PTPRD: variants seen among roughly 807,000 people sequenced by gnomAD.
The protein encoded by PTPRD is receptor-type tyrosine-protein phosphatase delta.
In PTPRD, 34 loss-of-function variants were observed where a neutral mutation model predicts 214.5. The ratio of observed to expected loss-of-function variants is 0.16; its 90% confidence interval spans 0.12 to 0.21. The LOEUF (loss-of-function observed/expected upper bound fraction) is 0.21, where lower values mean the gene tolerates loss of function less well. PTPRD is among the 10% of genes least tolerant of loss of function. PTPRD has a pLI of 1.00. For synonymous variants in PTPRD, 1,128 were observed against 845.7 expected (o/e 1.33, Z -5.79); for missense variants, 2,545 against 2,398.7 (o/e 1.06, Z -1.27).
At chr9:9,466,561 C>A (rs7854291) in intron 8 of PTPRD, among the ~76,000 whole-genome samples, 127,247 of 152,080 alleles carry the variant, frequency 0.84, 53,351 homozygotes, top group Middle Eastern at 0.94. Flanking sequence ...ATTCAAAACA[C>A]AAATCTGTGT....
intron 35 of PTPRD, among the ~76,000 whole-genome samples, chr9:8,432,842 T>C (rs945608553): frequency 3.9e-5 from 6 of 152,210 alleles, no homozygotes; most frequent in African/African-American, 1.2e-4. Context: ...ATCATCATCA[T>C]GAACATCAGT....
At chr9:9,462,698 G>A in intron 8 of PTPRD, among the ~76,000 whole-genome samples, 1 of 151,994 alleles carries the variant, frequency 6.6e-6, no homozygotes, top group East Asian at 1.9e-4. Context: ...CCTAAATGCT[G>A]TACTTTTCCA....
intron 2 of PTPRD, among the ~76,000 whole-genome samples, chr9:10,555,638 C>A (rs2062391171): frequency 6.6e-6 from 1 of 152,070 alleles, no homozygotes; most frequent in Non-Finnish European, 1.5e-5. Flanking sequence ...AAATGTATTC[C>A]TTTTTGCACA....
At chr9:10,106,934 G>A (rs955459101) in intron 3 of PTPRD, among the ~76,000 whole-genome samples, 2 of 151,834 alleles carry the variant, frequency 1.3e-5, no homozygotes, top group African/African-American at 2.4e-5. Flanking sequence ...ATTTTAGTAG[G>A]GAGGTTGGCA....
At chr9:9,454,593 G>C (rs530585331) in intron 8 of PTPRD, among the ~76,000 whole-genome samples, 145 of 151,694 alleles carry the variant, frequency 9.6e-4, no homozygotes, top group African/African-American at 3.4e-3. Flanking sequence ...ATTGCAAAAG[G>C]TTTTGAATAG....
chr9:9,977,601 G>A (rs1206788584), intron 4 of PTPRD, among the ~76,000 whole-genome samples: 1 of 152,058 alleles, frequency 6.6e-6, no homozygotes, highest in African/African-American at 2.4e-5. Flanking sequence ...TAACAACTTG[G>A]CTTAAAAATG....
intron 9 of PTPRD, among the ~76,000 whole-genome samples, chr9:9,362,388 AAAC>A (rs761610692): frequency 2.2e-4 from 33 of 151,286 alleles, no homozygotes; most frequent in Middle Eastern, 3.4e-3. Context: ...TAAGGGAAAA[AAAC>A]AACATTTTAA....
chr9:10,269,402 T>C (rs1259977120), intron 3 of PTPRD, among the ~76,000 whole-genome samples: 1 of 152,200 alleles, frequency 6.6e-6, no homozygotes, highest in African/African-American at 2.4e-5. Flanking sequence ...TGCATGTATA[T>C]ATGTGCATGT....
chr9:9,636,739 T>C (rs1358244599), intron 7 of PTPRD, among the ~76,000 whole-genome samples: 3 of 152,256 alleles, frequency 2.0e-5, no homozygotes, highest in African/African-American at 7.2e-5. Context: ...TATTTAGTTA[T>C]GTCACTGAGC....
At chr9:10,604,984 C>T (rs557234974) in intron 2 of PTPRD, among the ~76,000 whole-genome samples, 1 of 151,864 alleles carries the variant, frequency 6.6e-6, no homozygotes, top group South Asian at 2.1e-4. Flanking sequence ...AAAAAGGAAA[C>T]TCTTCAAACT....
At chr9:10,049,752 G>A (rs930760541) in intron 3 of PTPRD, among the ~76,000 whole-genome samples, 12 of 152,268 alleles carry the variant, frequency 7.9e-5, no homozygotes, top group African/African-American at 2.9e-4. Context: ...CTTTATAGCA[G>A]TGCTACCTGT....
intron 14 of PTPRD, among the ~76,000 whole-genome samples, chr9:8,540,375 C>G (rs898402241): frequency 2.6e-5 from 4 of 151,898 alleles, no homozygotes; most frequent in African/African-American, 9.7e-5. Context: ...ATGACAATAT[C>G]TGAAAAAAGT....
rs2092779020 is a variant in PTPRD at position 8,404,568 on chromosome 9, A to T, written c.4179T>A (p.Asp1393Glu). Reference protein sequence around the residue: ...KNRYANVIAYDHSRVLLSAIE... With the variant: ...KNRYANVIAYEHSRVLLSAIE... Reference sequence around the variant, plus strand: ...TAGCTGATAGGAGAACCCGGGAATGATCATATGCGATTACATTCGCGTATC... The same window carrying T: ...TAGCTGATAGGAGAACCCGGGAATGTTCATATGCGATTACATTCGCGTATC... Residue 1393 changes from aspartate (D) to glutamate (E), a missense_variant, in exon 36 of 46, where the codon GAT (aspartate) becomes GAA (glutamate). Asp to Glu is a conservative substitution (Grantham distance 45, BLOSUM62 2). Coordinates refer to ENST00000381196, the MANE Select transcript of PTPRD (RefSeq NM_002839.4). 1 of 1,613,324 alleles carries T rather than the reference A, an allele frequency of 6.2e-7. No individual in the cohort carries two copies. Among genetic ancestry groups the T allele is most frequent in the South Asian group, 1.1e-5 (1 of 91,048 alleles).
chr9:9,871,132 A>G (rs2153712416), intron 5 of PTPRD, among the ~76,000 whole-genome samples: 1 of 152,316 alleles, frequency 6.6e-6, no homozygotes, highest in East Asian at 1.9e-4. Context: ...GTGTTATATG[A>G]AAACTTGAAG....
At chr9:9,677,208 C>A (rs1182542774) in intron 7 of PTPRD, among the ~76,000 whole-genome samples, 2 of 152,222 alleles carry the variant, frequency 1.3e-5, no homozygotes, top group East Asian at 3.9e-4. Flanking sequence ...TTGCCCATGC[C>A]TATGTCCTGA....
chr9:9,016,918 T>G (rs1166612973), intron 11 of PTPRD, among the ~76,000 whole-genome samples: 4 of 152,058 alleles, frequency 2.6e-5, no homozygotes, highest in African/African-American at 9.7e-5. Context: ...TGGCTCTTAA[T>G]GGTGGTGCTG....
chr9:9,321,612 C>G (rs1966602349), intron 9 of PTPRD, among the ~76,000 whole-genome samples: 1 of 150,640 alleles, frequency 6.6e-6, no homozygotes, highest in African/African-American at 2.4e-5. Context: ...TCTGATTTTT[C>G]CATAAAACAC....
intron 5 of PTPRD, among the ~76,000 whole-genome samples, chr9:9,813,146 A>AGAAGTC (rs1431563463): frequency 6.6e-6 from 1 of 152,106 alleles, no homozygotes; most frequent in East Asian, 1.9e-4. Context: ...ACGCAGTACA[A>AGAAGTC]GAAGTCCTAA....
intron 14 of PTPRD, among the ~76,000 whole-genome samples, chr9:8,540,626 T>C (rs1373510339): frequency 3.3e-5 from 5 of 152,162 alleles, no homozygotes; most frequent in African/African-American, 1.2e-4. Context: ...AATTAAAACA[T>C]AATTAACTTA....
Sources: gnomAD v4.1 joint callset for allele counts (sites outside exome capture counted in the v4.1 genomes callset) on GRCh38, gnomAD v4.1.1 for gene constraint, MANE v1.5 for transcripts, NCBI Gene and HGNC (gene_info 2026-07-23, HGNC 2026-07-21) for gene names.